The following GSN variants were observed in gnomAD, a reference collection of about 807,000 sequenced individuals.
The protein encoded by GSN is gelsolin.
GSN carries 56 observed loss-of-function variants against 85.7 expected under a neutral mutation model. That is an observed-to-expected ratio of 0.65 (90% CI 0.53 to 0.82). GSN has a LOEUF of 0.82. Among genes scored for constraint, GSN ranks in the 40% least tolerant of loss-of-function variants. The pLI is 0.00. For missense variants in GSN, 857 were observed against 979.8 expected (o/e 0.87, Z 1.67); for synonymous variants, 373 against 399.1 (o/e 0.93, Z 0.78).
intron 5 of GSN, among the ~76,000 whole-genome samples, chr9:121,245,884 C>T (rs1053595958): frequency 6.6e-6 from 1 of 152,146 alleles, no homozygotes; most frequent in African/African-American, 2.4e-5. Flanking sequence ...TCTTGAGTAG[C>T]TAGGACTACA....
intron 6 of GSN, among the ~76,000 whole-genome samples, chr9:121,249,491 T>C (rs1257105727): frequency 2.6e-5 from 4 of 151,950 alleles, no homozygotes; most frequent in Admixed American, 2.6e-4. Context: ...AATAAATAAA[T>C]AAGATGCAAG....
chr9:121,209,856 G>A (rs776276721), intron 2 of GSN, among the ~76,000 whole-genome samples: 19 of 152,148 alleles, frequency 1.2e-4, no homozygotes, highest in Non-Finnish European at 2.4e-4. Context: ...AAATCAGAAA[G>A]TTTTCTTTAG....
intron 4 of GSN, chr9:121,308,223 G>A (rs1471018304): frequency 6.6e-6 from 1 of 152,288 alleles, no homozygotes; most frequent in Non-Finnish European, 1.5e-5. Flanking sequence ...CGCCCTGCTA[G>A]TCCCAAGGGA....
In GSN at chr9:121,299,882, G is replaced by A. The variant is rs546455952; in HGVS notation, c.-9-2081G>A. Reference sequence around the variant, plus strand: ...CCACCATGGCTCCGCACCGCCCCGCGCCCGCGCTGCTTTGCGCGCTGTCCC... The same window carrying A: ...CCACCATGGCTCCGCACCGCCCCGCACCCGCGCTGCTTTGCGCGCTGTCCC... On this transcript the variant is annotated intron_variant, in intron 2 of 17. Transcript: ENST00000432226. The surrounding 1 kb of genome is among the most constrained non-coding windows in gnomAD (Gnocchi z 4.2). The A allele has an allele frequency of 2.3e-6, 3 of 1,320,838 alleles. No homozygotes were observed. Among genetic ancestry groups the A allele is most frequent in the Admixed American group, 3.2e-5 (1 of 30,876 alleles). The allele number at this position is 1,320,838 out of a possible 1,614,324, so 81.8% of individuals were successfully genotyped here. A position where few individuals can be genotyped will look rare whatever the true frequency, so the allele number is the denominator to read the frequency against.
intron 4 of GSN, among the ~76,000 whole-genome samples, chr9:121,218,359 G>C (rs968437893): frequency 6.6e-6 from 1 of 152,224 alleles, no homozygotes; most frequent in Non-Finnish European, 1.5e-5. Context: ...GAGAGGCCAG[G>C]CTCGGTGGCT....
chr9:121,256,462 G>GT (rs1423043985), intron 6 of GSN, among the ~76,000 whole-genome samples: 1 of 152,206 alleles, frequency 6.6e-6, no homozygotes, highest in Non-Finnish European at 1.5e-5. Context: ...CCACTCATCT[G>GT]TGAGAGTGAA....
At chr9:121,224,414 A>C (rs968452400) in intron 4 of GSN, among the ~76,000 whole-genome samples, 26 of 152,288 alleles carry the variant, frequency 1.7e-4, no homozygotes, top group African/African-American at 6.3e-4. Flanking sequence ...ATTTATTTTT[A>C]TCACAAGAAT....
chr9:121,316,749 G>A (rs951153470), intron 7 of GSN, among the ~76,000 whole-genome samples: 32 of 152,232 alleles, frequency 2.1e-4, no homozygotes, highest in African/African-American at 7.7e-4. Context: ...GGGATTAAAG[G>A]TGTGCGACAC....
At chr9:121,262,441 GAGTA>G (rs1407364662) in intron 6 of GSN, among the ~76,000 whole-genome samples, 1 of 152,242 alleles carries the variant, frequency 6.6e-6, no homozygotes, top group East Asian at 1.9e-4. Context: ...GACCGGCATA[GAGTA>G]AGCACTCAGA....
chr9:121,317,055 T>G, intron 7 of GSN, 31 bp from the exon 8 acceptor site: 1 of 1,613,890 alleles, frequency 6.2e-7, no homozygotes, highest in Non-Finnish European at 8.5e-7. Context: ...CAGACACTCA[T>G]GTGCTGGTTC....
intron 5 of GSN, among the ~76,000 whole-genome samples, chr9:121,233,996 A>G (rs1316579899): frequency 6.6e-6 from 1 of 152,206 alleles, no homozygotes; most frequent in Non-Finnish European, 1.5e-5. Flanking sequence ...AGACTGGAAT[A>G]GTGCTCTAAG....
chr9:121,312,737 C>T (rs1232794931), intron 6 of GSN: 1 of 301,568 alleles, frequency 3.3e-6, no homozygotes, highest in African/African-American at 2.2e-5. Flanking sequence ...AAGTGATCCT[C>T]CTGCCTCAGC....
At chr9:121,300,195 G>T in intron 2 of GSN, 3 of 1,100,222 alleles carry the variant, frequency 2.7e-6, no homozygotes, top group Admixed American at 1.7e-5. Context: ...GGCCCTGGCT[G>T]TTCCTTCCCA....
chr9:121,311,342 C>CT (rs2061117515), intron 5 of GSN: 1 of 183,426 alleles, frequency 5.5e-6, no homozygotes, highest in African/African-American at 2.4e-5. Flanking sequence ...ACACACTTGT[C>CT]TCACAAATCC....
intron 4 of GSN, among the ~76,000 whole-genome samples, chr9:121,211,468 G>A (rs563986633): frequency 2.0e-5 from 3 of 152,328 alleles, no homozygotes; most frequent in Admixed American, 2.0e-4. Flanking sequence ...CACTATGTAA[G>A]TAGGTGATGG....
At chr9:121,237,961 C>T (rs1342720290) in intron 5 of GSN, among the ~76,000 whole-genome samples, 1 of 152,202 alleles carries the variant, frequency 6.6e-6, no homozygotes, top group East Asian at 1.9e-4. Context: ...TTAAAGCATT[C>T]AACACTGGAA....
Position 121,329,148 on chromosome 9 carries a change from C to T in GSN, c.1888-90C>T, listed in dbSNP as rs1478576057. ...GGAAGGGGCCCCCTGCCAGCTGCAG[C>T]CAGCTGTGCCACTCCCTCAGGGGGC... is the stretch of plus-strand genomic sequence containing the variant. On this transcript the variant is annotated intron_variant, in intron 15 of 17. Transcript: ENST00000432226. This position sits in a 1 kb window ranked among gnomAD's most constrained non-coding sequence, Gnocchi z 4.6. The T allele has an allele frequency of 2.1e-6, 3 of 1,455,194 alleles. No homozygotes were observed. The highest frequency in any genetic ancestry group is 2.9e-6 in the Non-Finnish European group (3 of 1,039,982). 90.1% of individuals were successfully genotyped at this position (1,455,194 alleles called of 1,614,324 possible).
chr9:121,204,311 A>G (rs1431387763), upstream of GSN, among the ~76,000 whole-genome samples: 3 of 152,232 alleles, frequency 2.0e-5, no homozygotes, highest in African/African-American at 7.2e-5. Context: ...ATGTGACCTC[A>G]GGGCTGTACT....
At chr9:121,237,157 A>G (rs996639196) in intron 5 of GSN, among the ~76,000 whole-genome samples, 2 of 152,232 alleles carry the variant, frequency 1.3e-5, no homozygotes, top group African/African-American at 2.4e-5. Context: ...TGTTGCTCAG[A>G]GAGGGAGAGC....
Sources: gnomAD v4.1 joint callset for allele counts (sites outside exome capture counted in the v4.1 genomes callset) on GRCh38, gnomAD v4.1.1 for gene constraint, Gnocchi (gnomAD v3.1) non-coding constraint, MANE v1.5 for transcripts, NCBI Gene and HGNC (gene_info 2026-07-23, HGNC 2026-07-21) for gene names.